Variants in AOC2 observed in about 807,000 individuals in gnomAD.
The protein encoded by AOC2 is amine oxidase copper containing 2, also known as amine oxidase [copper-containing] 2.
In AOC2, 57 loss-of-function variants were observed where a neutral mutation model predicts 53.8. That is an observed-to-expected ratio of 1.06 (90% CI 0.86 to 1.32). The LOEUF (loss-of-function observed/expected upper bound fraction) is 1.32, where lower values mean the gene tolerates loss of function less well. AOC2 is among the 40% of genes most tolerant of loss of function. The pLI, the probability that AOC2 is intolerant of heterozygous loss-of-function variation, is 0.00. For synonymous variants in AOC2, 404 were observed against 399.0 expected (o/e 1.01, Z -0.15); for missense variants, 1,008 against 957.2 (o/e 1.05, Z -0.70).
rs753189031 is a variant in AOC2, at chr17:42,845,499, T to G, written c.873T>G (p.Asn291Lys). 6.2e-7 allele frequency: 1 copy of G among 1,614,052 alleles called. No homozygotes were observed. Among genetic ancestry groups the G allele is most frequent in the Non-Finnish European group, 8.5e-7 (1 of 1,180,040 alleles). ...EVVRVPLPPP[N>K]GASSLRSRNS... ...TTAGAGTCCCTCTACCTCCACCAAATGGAGCTTCATCCCTGAGGTCTCGGA... is the reference window on the plus strand; with the variant it reads ...TTAGAGTCCCTCTACCTCCACCAAAGGGAGCTTCATCCCTGAGGTCTCGGA... The change falls in exon 1 of 4, where the codon AAT (asparagine) becomes AAG (lysine). Residue 291 changes from asparagine (N) to lysine (K), a missense_variant. By Grantham distance (94) the Asn-to-Lys change is moderately conservative. Coordinates refer to ENST00000253799, the MANE Select transcript of AOC2 (RefSeq NM_009590.4).
chr17:42,850,000 G>C (rs1597964488), intron 3 of AOC2, 82 bp from the exon 4 acceptor site: 1 of 1,542,594 alleles, frequency 6.5e-7, no homozygotes, highest in African/African-American at 1.4e-5. Flanking sequence ...GCCAGGCTGA[G>C]ACTGGAGGCT....
At position 42,849,179 on chromosome 17, in the gene AOC2, C is replaced by T; in HGVS notation, c.1682C>T (p.Thr561Ile). ...CACTGGCTACAGCGCCCACAGCTGACTCGGCAGGTCCTGGGAAAGGAGGAC... is the reference window on the plus strand; with the variant it reads ...CACTGGCTACAGCGCCCACAGCTGATTCGGCAGGTCCTGGGAAAGGAGGAC... ...PEHWLQRPQL[T>I]RQVLGKEDLT... The change falls in exon 2 of 4, where the codon ACT becomes ATT. Residue 561 changes from threonine to isoleucine, a missense_variant. By Grantham distance (89) the Thr-to-Ile change is moderately conservative. Coordinates refer to ENST00000253799, the MANE Select transcript of AOC2 (RefSeq NM_009590.4). 6.2e-7 allele frequency: 1 copy of T among 1,614,218 alleles called. No homozygotes were observed. The highest frequency in any genetic ancestry group is 8.5e-7 in the Non-Finnish European group (1 of 1,180,030).
chr17:42,846,483 A>C (rs35916033), intron 1 of AOC2, among the ~76,000 whole-genome samples: 1 of 152,298 alleles, frequency 6.6e-6, no homozygotes, highest in African/African-American at 2.4e-5. Context: ...AACTAGTTTA[A>C]ATGTAATGGC....
Position 42,850,501 on chromosome 17 carries a change from TCTTA to T in AOC2, c.*157_*160del, listed in dbSNP as rs1460262522. On this transcript the variant is annotated 3_prime_UTR_variant, in exon 4 of 4. Transcript: ENST00000253799. Reference sequence around the variant, plus strand: ...ACCCCCATCAGTCCCTTTGGTTAATTCTTACTTCCTGTTCATCTCTAAAGTGTTA... The same window carrying T: ...ACCCCCATCAGTCCCTTTGGTTAATTCTTCCTGTTCATCTCTAAAGTGTTA... 7 of 814,000 alleles carry T rather than the reference TCTTA, an allele frequency of 8.6e-6. No individual in the cohort carries two copies. In the Admixed American group the frequency reaches 2.2e-4, roughly 25 times the overall value. 50.4% of individuals were successfully genotyped at this position (814,000 alleles called of 1,614,324 possible). A position where few individuals can be genotyped will look rare whatever the true frequency, so the allele number is the denominator to read the frequency against.
In AOC2 at chr17:42,850,125, A is replaced by C; in HGVS notation, c.2048A>C (p.His683Pro). Residue 683 changes from histidine (H) to proline (P), a missense_variant, in exon 4 of 4, where the codon CAT (histidine) becomes CCT (proline). By Grantham distance (77) the His-to-Pro change is moderately conservative. Transcript: ENST00000253799. ...WVTASFLHIP[H>P]AEDIPNTVTL... The stretch of plus-strand genomic sequence containing the variant: ...ACAGCCAGCTTCCTGCACATTCCCC[A>C]TGCCGAGGACATCCCAAACACAGTG... 1 of 1,614,020 alleles carries C rather than the reference A, an allele frequency of 6.2e-7. No individual in the cohort carries two copies. Among genetic ancestry groups the C allele is most frequent in the Admixed American group, 1.7e-5 (1 of 59,996 alleles).
In AOC2 at chr17:42,845,293, C is replaced by T. The variant is rs1283168359; in HGVS notation, c.667C>T (p.Leu223Phe). ...AGGGGACCGAGCTACCTGGATGGCCCTCTACCATAACATCTCAGGGGTTGG... is the reference window on the plus strand; with the variant it reads ...AGGGGACCGAGCTACCTGGATGGCCTTCTACCATAACATCTCAGGGGTTGG... ...RSGDRATWMA[L>F]YHNISGVGLF... Residue 223 changes from leucine to phenylalanine, a missense_variant, in exon 1 of 4, where the codon CTC becomes TTC. Coordinates refer to ENST00000253799, the MANE Select transcript of AOC2 (RefSeq NM_009590.4). The T allele has an allele frequency of 7.4e-6, 12 of 1,614,062 alleles. No homozygotes were observed. The highest frequency in any genetic ancestry group is 1.1e-5 in the South Asian group (1 of 91,090).
rs762665815 is a variant in AOC2 at position 42,845,157 on chromosome 17, G to A, written c.531G>A (p.Arg177=). ...VLRAEFTQMW[R]HLKEVELPKA... The stretch of plus-strand genomic sequence containing the variant: ...GAGCTGAGTTTACACAGATGTGGAG[G>A]CATCTGAAAGAGGTGGAGCTACCCA... The change falls in exon 1 of 4, where the codon AGG becomes AGA. Residue 177 remains arginine, a synonymous_variant. Coordinates refer to ENST00000253799, the MANE Select transcript of AOC2 (RefSeq NM_009590.4). The A allele has an allele frequency of 6.2e-7, 1 of 1,613,768 alleles. No homozygotes were observed. The highest frequency in any genetic ancestry group is 2.2e-5 in the East Asian group (1 of 44,876).
In AOC2 at chr17:42,846,980, C is replaced by T. The variant is rs142544130; in HGVS notation, c.1588+766C>T. ...CTAAGGAGGGTGGCGGGAGATGGGACAGGAAATGACTGCCCAAGTATAATG... is the reference window on the plus strand; with the variant it reads ...CTAAGGAGGGTGGCGGGAGATGGGATAGGAAATGACTGCCCAAGTATAATG... On this transcript the variant is annotated intron_variant, in intron 1 of 3. Coordinates refer to ENST00000253799, the MANE Select transcript of AOC2 (RefSeq NM_009590.4). 1.4e-3 allele frequency among the ~76,000 whole-genome samples: 213 copies of T among 152,304 alleles called. 1 individual carries two copies. Among genetic ancestry groups the T allele is most frequent in the African/African-American group, 4.8e-3 (199 of 41,558 alleles).
rs773723421 is a variant in AOC2 at position 42,846,045 on chromosome 17, G to A, written c.1419G>A (p.Leu473=). ...GNYDYIWDFV[L]YPNGALEGRV... ...ATGACTACATTTGGGACTTTGTGTT[G>A]TACCCAAATGGGGCACTTGAAGGGC... Residue 473 remains leucine, a synonymous_variant, in exon 1 of 4, where the codon TTG becomes TTA. Transcript: ENST00000253799. 4.3e-6 allele frequency: 7 copies of A among 1,611,128 alleles called. No homozygotes were observed. In the Admixed American group the frequency reaches 8.3e-5, roughly 19 times the overall value.
Position 42,845,782 on chromosome 17 carries a change from G to A in AOC2, c.1156G>A (p.Gly386Ser), listed in dbSNP as rs766055872. The A allele has an allele frequency of 4.3e-6, 7 of 1,614,136 alleles. No homozygotes were observed. Among genetic ancestry groups the A allele is most frequent in the African/African-American group, 2.7e-5 (2 of 75,006 alleles). ...TRYLDSSFGLGRNSRGLVRGV... is the reference protein window; with the variant it reads ...TRYLDSSFGLSRNSRGLVRGV... ...CTATTTGGATAGCAGCTTTGGACTC[G>A]GCCGTAACAGCCGAGGCTTGGTGCG... Residue 386 changes from glycine (G) to serine (S), a missense_variant, in exon 1 of 4, where the codon GGC becomes AGC. Physicochemically the swap from Gly to Ser is moderately conservative, Grantham distance 56 (BLOSUM62 0). Transcript: ENST00000253799.
At position 42,849,632 on chromosome 17, in the gene AOC2, G is replaced by A. The variant is rs2144280542; in HGVS notation, c.1906G>A (p.Glu636Lys). The change falls in exon 3 of 4, where the codon GAG becomes AAG. Residue 636 changes from glutamate (E) to lysine (K), a missense_variant. Physicochemically the swap from Glu to Lys is moderately conservative, Grantham distance 56. Coordinates refer to ENST00000253799, the MANE Select transcript of AOC2 (RefSeq NM_009590.4). Reference sequence around the variant, plus strand: ...GCTTGTGGTGACCCAGAGAAAGGAGGAGGAGTCACAGAGCAGTAGCATCTA... The same window carrying A: ...GCTTGTGGTGACCCAGAGAAAGGAGAAGGAGTCACAGAGCAGTAGCATCTA... Reference protein sequence around the residue: ...YQLVVTQRKEEESQSSSIYHQ... With the variant: ...YQLVVTQRKEKESQSSSIYHQ... 1 of 1,614,216 alleles carries A rather than the reference G, an allele frequency of 6.2e-7. No homozygotes were observed. Among genetic ancestry groups the A allele is most frequent in the Non-Finnish European group, 8.5e-7 (1 of 1,180,036 alleles).
chr17:42,849,130 G>A lies in AOC2; in HGVS notation c.1633G>A (p.Val545Met), dbSNP rs1338272406. The change falls in exon 2 of 4, where the codon GTG (valine) becomes ATG (methionine). Residue 545 changes from valine (V) to methionine (M), a missense_variant. Val to Met is a conservative substitution (Grantham distance 21, BLOSUM62 1). Coordinates refer to ENST00000253799, the MANE Select transcript of AOC2 (RefSeq NM_009590.4). ...VVAEDVVFKP[V>M]AAPWNPEHWL... ...AGCTGAAGACGTGGTGTTTAAACCTGTGGCTGCCCCCTGGAACCCGGAGCA... is the reference window on the plus strand; with the variant it reads ...AGCTGAAGACGTGGTGTTTAAACCTATGGCTGCCCCCTGGAACCCGGAGCA... 5 of 1,614,040 alleles carry A rather than the reference G, an allele frequency of 3.1e-6. No homozygotes were observed. The highest frequency in any genetic ancestry group is 4.2e-6 in the Non-Finnish European group (5 of 1,179,940).
At position 42,846,118 on chromosome 17, in the gene AOC2, G is replaced by A. The variant is rs1254418506; in HGVS notation, c.1492G>A (p.Glu498Lys). 6.3e-7 allele frequency: 1 copy of A among 1,585,092 alleles called. No individual in the cohort carries two copies. Among genetic ancestry groups the A allele is most frequent in the Admixed American group, 1.7e-5 (1 of 57,756 alleles). ...YINTAFLKGGEEGLLFGNRVG... is the reference protein window; with the variant it reads ...YINTAFLKGGKEGLLFGNRVG... ...CAACACAGCTTTCCTGAAAGGGGGA[G>A]AGGAGGGCCTCCTCTTTGGGAACCG... is the stretch of plus-strand genomic sequence containing the variant. The change falls in exon 1 of 4, where the codon GAG becomes AAG. Residue 498 changes from glutamate to lysine, a missense_variant. By Grantham distance (56) the Glu-to-Lys change is moderately conservative. Transcript: ENST00000253799.
rs1567685422 is a variant in AOC2 at position 42,845,758 on chromosome 17, T to C, written c.1132T>C (p.Tyr378His). Reference sequence around the variant, plus strand: ...TTCACCCAAGACGATGCTGACTCGCTATTTGGATAGCAGCTTTGGACTCGG... The same window carrying C: ...TTCACCCAAGACGATGCTGACTCGCCATTTGGATAGCAGCTTTGGACTCGG... ...ADSPKTMLTR[Y>H]LDSSFGLGRN... Residue 378 changes from tyrosine (Y) to histidine (H), a missense_variant, in exon 1 of 4, where the codon TAT (tyrosine) becomes CAT (histidine). Coordinates refer to ENST00000253799, the MANE Select transcript of AOC2 (RefSeq NM_009590.4). 6.2e-7 allele frequency: 1 copy of C among 1,614,186 alleles called. No homozygotes were observed. Among genetic ancestry groups the C allele is most frequent in the Admixed American group, 1.7e-5 (1 of 60,030 alleles).
At position 42,850,360 on chromosome 17, in the gene AOC2, T is replaced by A. The variant is rs1302348763; in HGVS notation, c.*12T>A. On this transcript the variant is annotated 3_prime_UTR_variant, in exon 4 of 4. Coordinates refer to ENST00000253799, the MANE Select transcript of AOC2 (RefSeq NM_009590.4). ...ACCACGGCTTCTAGTCCTGAGGGTG[T>A]GGCGGGCGGCGTGGTTAGGCACATG... is the stretch of plus-strand genomic sequence containing the variant. 5 of 1,579,200 alleles carry A rather than the reference T, an allele frequency of 3.2e-6. No homozygotes were observed. The highest frequency in any genetic ancestry group is 4.3e-6 in the Non-Finnish European group (5 of 1,157,044).
At chr17:42,850,015 T>C in intron 3 of AOC2, 67 bp from the exon 4 acceptor site, 8 of 1,563,598 alleles carry the variant, frequency 5.1e-6, no homozygotes, top group Non-Finnish European at 7.0e-6. Context: ...GAGGCTGGGA[T>C]TGTGACTGAA....
chr17:42,847,380 T>G (rs956208297), intron 1 of AOC2, among the ~76,000 whole-genome samples: 2 of 152,182 alleles, frequency 1.3e-5, no homozygotes, highest in African/African-American at 4.8e-5. Flanking sequence ...GTGCAGTGCC[T>G]CCCGTGCCAG....
chr17:42,847,247 A>G (rs2055606458), intron 1 of AOC2, among the ~76,000 whole-genome samples: 1 of 152,214 alleles, frequency 6.6e-6, no homozygotes, highest in Non-Finnish European at 1.5e-5. Flanking sequence ...GGCATTAAAG[A>G]GGCTTGTTTT....
Position 42,845,454 on chromosome 17 carries a change from G to A in AOC2, c.828G>A (p.Lys276=), listed in dbSNP as rs147737191. ...ADLGQLEREF[K]SGRLEVVRVP... is the part of the protein sequence containing the mutation. ...TGGGCCAGTTGGAACGGGAGTTTAAGTCTGGCCGGTTGGAAGTGGTTAGAG... is the reference window on the plus strand; with the variant it reads ...TGGGCCAGTTGGAACGGGAGTTTAAATCTGGCCGGTTGGAAGTGGTTAGAG... Residue 276 remains lysine (K), a synonymous_variant, in exon 1 of 4, where the codon AAG becomes AAA. Transcript: ENST00000253799. 1.4e-4 allele frequency: 230 copies of A among 1,614,170 alleles called. 1 individual carries two copies. In the African/African-American group the frequency reaches 2.7e-3, roughly 19 times the overall value.
Sources: allele counts gnomAD v4.1 joint callset (sites outside exome capture counted in the v4.1 genomes callset), GRCh38; gene constraint gnomAD v4.1.1; transcripts MANE v1.5; gene names NCBI Gene and HGNC (gene_info 2026-07-23, HGNC 2026-07-21).